CNTNAP2: variants seen among roughly 807,000 people sequenced by gnomAD.
CNTNAP2 encodes contactin associated protein 2, also known as contactin-associated protein-like 2.
Under a neutral mutation model 155.2 loss-of-function variants are expected in CNTNAP2, and 98 were observed. That is an observed-to-expected ratio of 0.63 (90% CI 0.54 to 0.75). The LOEUF (loss-of-function observed/expected upper bound fraction) is 0.75. Ranked by LOEUF, CNTNAP2 falls within the 30% of genes least tolerant of loss-of-function variation. CNTNAP2 has a pLI of 0.00. For synonymous variants in CNTNAP2, 651 were observed against 631.2 expected (o/e 1.03, Z -0.47); for missense variants, 1,727 against 1,688.1 (o/e 1.02, Z -0.40).
chr7:146,612,087 A>C (rs2129154227), intron 1 of CNTNAP2, among the ~76,000 whole-genome samples: 1 of 152,322 alleles, frequency 6.6e-6, no homozygotes, highest in South Asian at 2.1e-4. Flanking sequence ...ATTTAAATTG[A>C]CAACAATAGG....
At chr7:146,974,464 A>G (rs932475956) in intron 3 of CNTNAP2, among the ~76,000 whole-genome samples, 1 of 151,910 alleles carries the variant, frequency 6.6e-6, no homozygotes, top group African/African-American at 2.4e-5. Flanking sequence ...ATAAAAAAAT[A>G]AAAAATAAAG....
At chr7:146,331,607 C>T (rs1370755903) in intron 1 of CNTNAP2, among the ~76,000 whole-genome samples, 2 of 152,126 alleles carry the variant, frequency 1.3e-5, no homozygotes, top group Non-Finnish European at 2.9e-5. Flanking sequence ...ATCATACTTT[C>T]TCCATGGCTG....
chr7:146,674,884 A>G (rs1351233539), intron 1 of CNTNAP2, among the ~76,000 whole-genome samples: 1 of 152,208 alleles, frequency 6.6e-6, no homozygotes, highest in Non-Finnish European at 1.5e-5. Context: ...CTTCTCCCTG[A>G]TATAAGAAAG....
At chr7:146,333,237 G>A (rs1458750940) in intron 1 of CNTNAP2, among the ~76,000 whole-genome samples, 3 of 152,102 alleles carry the variant, frequency 2.0e-5, no homozygotes, top group Non-Finnish European at 1.5e-5. Flanking sequence ...GAGCCACGAT[G>A]CCCGGCCCCC....
chr7:146,984,492 C>A (rs1056384201), intron 3 of CNTNAP2, among the ~76,000 whole-genome samples: 2 of 148,888 alleles, frequency 1.3e-5, no homozygotes, highest in Admixed American at 6.7e-5. Context: ...ATTCTTTGTT[C>A]CACTTTATAT....
intron 1 of CNTNAP2, among the ~76,000 whole-genome samples, chr7:146,648,548 G>A (rs1318445685): frequency 6.6e-6 from 1 of 152,026 alleles, no homozygotes; most frequent in African/African-American, 2.4e-5. Context: ...TCTTATAAAT[G>A]TATGAAGATT....
At chr7:146,994,562 C>T (rs1204183531) in intron 3 of CNTNAP2, among the ~76,000 whole-genome samples, 2 of 152,098 alleles carry the variant, frequency 1.3e-5, no homozygotes, top group African/African-American at 4.8e-5. Context: ...GAGTGACTCA[C>T]ATAAAGCAAT....
intron 22 of CNTNAP2, among the ~76,000 whole-genome samples, chr7:148,400,417 A>G (rs1799556912): frequency 6.6e-6 from 1 of 152,172 alleles, no homozygotes; most frequent in African/African-American, 2.4e-5. Flanking sequence ...GCATGAATTC[A>G]TAAACTCCCT....
At chr7:146,303,825 T>C (rs1800658252) in intron 1 of CNTNAP2, among the ~76,000 whole-genome samples, 1 of 152,162 alleles carries the variant, frequency 6.6e-6, no homozygotes, top group African/African-American at 2.4e-5. Flanking sequence ...ATATCCTTTT[T>C]AACTTTCTGT....
At chr7:148,212,519 A>C (rs1362987977) in intron 18 of CNTNAP2, among the ~76,000 whole-genome samples, 1 of 152,200 alleles carries the variant, frequency 6.6e-6, no homozygotes, top group Admixed American at 6.5e-5. Flanking sequence ...AGCATTATCT[A>C]TAGTAGTATT....
At chr7:147,571,197 G>A (rs1206718683) in intron 12 of CNTNAP2, among the ~76,000 whole-genome samples, 1 of 150,864 alleles carries the variant, frequency 6.6e-6, no homozygotes, top group Non-Finnish European at 1.5e-5. Context: ...GTATACATGT[G>A]CCATGTTGGT....
intron 13 of CNTNAP2, among the ~76,000 whole-genome samples, chr7:147,748,035 C>A (rs999388629): frequency 2.0e-5 from 3 of 152,216 alleles, no homozygotes; most frequent in Admixed American, 1.3e-4. Flanking sequence ...ATGCTGAATG[C>A]TTTTCCTTTT....
intron 3 of CNTNAP2, among the ~76,000 whole-genome samples, chr7:146,917,202 T>A (rs139906762): frequency 2.6e-5 from 4 of 152,268 alleles, no homozygotes; most frequent in African/African-American, 9.6e-5. Context: ...TAATTTTGAT[T>A]TTCTTAAATT....
intron 22 of CNTNAP2, among the ~76,000 whole-genome samples, chr7:148,386,312 GA>G (rs978929558): frequency 2.0e-5 from 3 of 152,102 alleles, no homozygotes; most frequent in Non-Finnish European, 4.4e-5. Flanking sequence ...GGTGGATCAT[GA>G]GGTCAGGAGT....
At chr7:146,748,444 C>T (rs896148442) in intron 1 of CNTNAP2, among the ~76,000 whole-genome samples, 1 of 152,030 alleles carries the variant, frequency 6.6e-6, no homozygotes, top group African/African-American at 2.4e-5. Flanking sequence ...CGCGCCCGGC[C>T]CCAAATCTAT....
intron 13 of CNTNAP2, among the ~76,000 whole-genome samples, chr7:147,705,691 C>G (rs965277513): frequency 2.0e-5 from 3 of 152,092 alleles, no homozygotes; most frequent in Non-Finnish European, 4.4e-5. Context: ...TCTATCTCTC[C>G]CTTTAAATCT....
At chr7:148,147,077 G>A (rs190719305) in intron 16 of CNTNAP2, among the ~76,000 whole-genome samples, 1 of 152,198 alleles carries the variant, frequency 6.6e-6, no homozygotes, top group Non-Finnish European at 1.5e-5. Flanking sequence ...TACTGAAAAG[G>A]TAAATTGTAT....
At chr7:147,314,407 A>AGAGTCTTGCTCTGT (rs1264327990) in intron 9 of CNTNAP2, among the ~76,000 whole-genome samples, 1 of 151,710 alleles carries the variant, frequency 6.6e-6, no homozygotes, top group Non-Finnish European at 1.5e-5. Context: ...TATCTCATTC[A>AGAGTCTTGCTCTGT]CTGAAGTTAA....
At chr7:146,269,899 A>G (rs1471959389) in intron 1 of CNTNAP2, among the ~76,000 whole-genome samples, 2 of 152,196 alleles carry the variant, frequency 1.3e-5, no homozygotes, top group Non-Finnish European at 2.9e-5. Context: ...AGTCAAGTCC[A>G]TCATTGCCTT....
Sources: gnomAD v4.1 joint callset for allele counts (sites outside exome capture counted in the v4.1 genomes callset) on GRCh38, gnomAD v4.1.1 for gene constraint, MANE v1.5 for transcripts, NCBI Gene and HGNC (gene_info 2026-07-23, HGNC 2026-07-21) for gene names.